Variants in RIN2 observed in about 807,000 individuals in gnomAD.
RIN2 encodes RAB5 interacting protein 2.
Under a neutral mutation model 78.0 loss-of-function variants are expected in RIN2, and 36 were observed. The ratio of observed to expected loss-of-function variants is 0.46; its 90% CI spans 0.35 to 0.61. The LOEUF is 0.61. Among genes scored for constraint, RIN2 ranks in the 20% least tolerant of loss-of-function variants. The probability of loss-of-function intolerance (pLI) is 0.00; values close to 1 mark genes in which losing one functional copy is unlikely to be tolerated. For missense variants in RIN2, 1,087 were observed against 1,159.7 expected (o/e 0.94, Z 0.91); for synonymous variants, 466 against 466.8 (o/e 1.00, Z 0.02).
intron 2 of RIN2, among the ~76,000 whole-genome samples, chr20:19,844,891 A>AC (rs1207187295): frequency 1.3e-5 from 2 of 151,030 alleles, no homozygotes; most frequent in African/African-American, 2.4e-5. Context: ...ACAGTCCCCC[A>AC]CCCCCCAACA....
At chr20:19,910,810 C>T (rs534120405) in intron 3 of RIN2, among the ~76,000 whole-genome samples, 16 of 149,534 alleles carry the variant, frequency 1.1e-4, no homozygotes, top group Non-Finnish European at 1.6e-4. Flanking sequence ...TCAAGTGATC[C>T]GCCTGCCTCG....
chr20:19,832,229 G>A (rs902335712), intron 2 of RIN2, among the ~76,000 whole-genome samples: 12 of 150,270 alleles, frequency 8.0e-5, no homozygotes, highest in African/African-American at 3.0e-4. Flanking sequence ...GACGCAGGCG[G>A]CCTCTGATAG....
intron 2 of RIN2, among the ~76,000 whole-genome samples, chr20:19,869,580 A>C (rs1246639831): frequency 6.6e-6 from 1 of 151,388 alleles, no homozygotes; most frequent in African/African-American, 2.4e-5. Flanking sequence ...GCCATCCCTT[A>C]ATCACTTTTA....
intron 2 of RIN2, among the ~76,000 whole-genome samples, chr20:19,856,627 A>G (rs1172259368): frequency 1.3e-5 from 2 of 149,684 alleles, no homozygotes; most frequent in Middle Eastern, 3.2e-3. Context: ...GAAGGAAAGA[A>G]GGAAGGAAGG....
Position 19,813,859 on chromosome 20 carries a change from AGT to A in RIN2, c.-37+14113_-37+14114del, listed in dbSNP as rs140854902. Among the ~76,000 whole-genome samples the A allele has an allele frequency of 5.0e-3, 756 of 152,308 alleles. 5 individuals carry two copies. Among genetic ancestry groups the A allele is most frequent in the African/African-American group, 0.017 (724 of 41,568 alleles). ...AAAGTTCAACTGGAAAATAATACAT[AGT>A]CTTTATTATCTGGGGTGTGGTTTCA... On this transcript the variant is annotated intron_variant, in intron 2 of 12. Transcript: ENST00000255006.
chr20:19,985,402 G>A (rs1256163695), intron 9 of RIN2, among the ~76,000 whole-genome samples: 2 of 152,170 alleles, frequency 1.3e-5, no homozygotes, highest in Non-Finnish European at 2.9e-5. Flanking sequence ...AATTGCTATG[G>A]CCTCTACCAC....
intron 2 of RIN2, among the ~76,000 whole-genome samples, chr20:19,854,092 A>C (rs1041738631): frequency 3.9e-5 from 6 of 152,134 alleles, no homozygotes; most frequent in African/African-American, 1.4e-4. Flanking sequence ...TCAGCTTTCT[A>C]CATATGGCTA....
chr20:19,958,031 C>T (rs368341293), intron 5 of RIN2, among the ~76,000 whole-genome samples: 2 of 152,214 alleles, frequency 1.3e-5, no homozygotes, highest in South Asian at 2.1e-4. Flanking sequence ...CCATTAGTAG[C>T]TAGCTGAGGA....
chr20:19,942,389 C>T (rs1192893055), intron 4 of RIN2, among the ~76,000 whole-genome samples: 1 of 152,126 alleles, frequency 6.6e-6, no homozygotes, highest in Admixed American at 6.5e-5. Context: ...CCCTAAAGAG[C>T]TGTTCAGTCT....
intron 2 of RIN2, among the ~76,000 whole-genome samples, chr20:19,858,131 A>G (rs985899198): frequency 5.9e-5 from 9 of 151,992 alleles, no homozygotes; most frequent in Admixed American, 5.9e-4. Context: ...TTTTTAAAAA[A>G]AAATATTAAG....
At chr20:19,821,544 C>T (rs6046346) in intron 2 of RIN2, among the ~76,000 whole-genome samples, 3,848 of 152,222 alleles carry the variant, frequency 0.025, 172 homozygotes, top group African/African-American at 0.089. Context: ...CCCTGTCCAG[C>T]CCCACTTCCC....
intron 2 of RIN2, among the ~76,000 whole-genome samples, chr20:19,805,399 T>C (rs938472527): frequency 1.3e-5 from 2 of 152,170 alleles, no homozygotes. Flanking sequence ...AAAGAAGTTA[T>C]AGGGACCTTA....
chr20:19,941,342 C>T (rs893783416), intron 4 of RIN2, among the ~76,000 whole-genome samples: 3 of 152,088 alleles, frequency 2.0e-5, no homozygotes, highest in Admixed American at 6.6e-5. Context: ...GAATGGTGGC[C>T]GCAGCCTGGG....
At chr20:19,948,787 T>A (rs188031712) in intron 4 of RIN2, among the ~76,000 whole-genome samples, 4 of 150,806 alleles carry the variant, frequency 2.7e-5, no homozygotes, top group South Asian at 2.1e-4. Flanking sequence ...TTGTCTTGAA[T>A]GATTTTAATT....
chr20:19,768,481 G>A (rs372193285), intron 1 of RIN2, among the ~76,000 whole-genome samples: 24 of 152,190 alleles, frequency 1.6e-4, no homozygotes, highest in Admixed American at 1.4e-3. Context: ...CGGGCAAAGC[G>A]AGTCCCATAG....
intron 2 of RIN2, among the ~76,000 whole-genome samples, chr20:19,824,968 G>T (rs961775051): frequency 2.0e-5 from 3 of 152,118 alleles, no homozygotes; most frequent in Non-Finnish European, 4.4e-5. Context: ...TCGAGGCCAC[G>T]AGAACCTCTT....
At chr20:19,922,284 C>CCCTGGAGACCCTTCATGGTCTCTGCA (rs1290874560) in intron 3 of RIN2, among the ~76,000 whole-genome samples, 2 of 152,110 alleles carry the variant, frequency 1.3e-5, no homozygotes, top group Non-Finnish European at 2.9e-5. Flanking sequence ...CAAGGACTGA[C>CCCTGGAGACCCTTCATGGTCTCTGCA]CCTGGAGACC....
intron 7 of RIN2, among the ~76,000 whole-genome samples, chr20:19,965,976 T>C (rs545668878): frequency 3.5e-4 from 54 of 152,298 alleles, no homozygotes; most frequent in Non-Finnish European, 5.1e-4. Context: ...TTCTTTCTTT[T>C]TTTCCATTTT....
chr20:19,836,444 G>A (rs1282419498), intron 2 of RIN2, among the ~76,000 whole-genome samples: 1 of 152,080 alleles, frequency 6.6e-6, no homozygotes, highest in Non-Finnish European at 1.5e-5. Flanking sequence ...CAGATCACTG[G>A]CTCCTTCTTC....
Sources: allele counts gnomAD v4.1 joint callset (sites outside exome capture counted in the v4.1 genomes callset), GRCh38; gene constraint gnomAD v4.1.1; transcripts MANE v1.5; gene names NCBI Gene and HGNC (gene_info 2026-07-23, HGNC 2026-07-21).